Variants in IFI35 observed in about 807,000 individuals in gnomAD.
IFI35 encodes the protein interferon induced protein 35.
In IFI35, 30 loss-of-function variants were observed where a neutral mutation model predicts 28.6. That is an observed-to-expected ratio of 1.05 (90% CI 0.79 to 1.43). The LOEUF is 1.43. Among genes scored for constraint, IFI35 ranks in the 40% most tolerant of loss-of-function variants. The pLI, the probability that IFI35 is intolerant of heterozygous loss-of-function variation, is 0.00. For missense variants in IFI35, 372 were observed against 356.9 expected (o/e 1.04, Z -0.34); for synonymous variants, 146 against 154.8 (o/e 0.94, Z 0.42).
intron 5 of IFI35, 22 bp from the exon 6 acceptor site, chr17:43,013,754 C>T (rs1173491904): frequency 3.1e-6 from 5 of 1,610,998 alleles, no homozygotes; most frequent in East Asian, 4.5e-5. Flanking sequence ...GCTAAAGGCC[C>T]ACCCCTCCTT....
Position 43,006,803 on chromosome 17 carries a change from G to C in IFI35, c.-145G>C, listed in dbSNP as rs2050410985. On this transcript the variant is annotated 5_prime_UTR_variant, in exon 1 of 7. Transcript: ENST00000415816. ...TGGAAGCAAACAGCCTGCGAGCAGA[G>C]CCTCCTGAGGTGTATTTCGGGTCTT... 9.3e-6 allele frequency: 7 copies of C among 754,680 alleles called. No individual in the cohort carries two copies. The highest frequency in any genetic ancestry group is 1.6e-5 in the Non-Finnish European group (7 of 427,352). The allele number at this position is 754,680 out of a possible 1,614,324, so 46.7% of individuals were successfully genotyped here. A position where few individuals can be genotyped will look rare whatever the true frequency, so the allele number is the denominator to read the frequency against.
intron 1 of IFI35, 78 bp downstream of exon 1, chr17:43,007,046 G>C: frequency 6.7e-7 from 1 of 1,483,150 alleles, no homozygotes; most frequent in Non-Finnish European, 9.4e-7. Context: ...ATATCTCAGG[G>C]CCTGGCAGCC....
chr17:43,013,032 C>T lies in IFI35; in HGVS notation c.121-15C>T. On this transcript the variant is annotated splice_polypyrimidine_tract_variant and intron_variant, in intron 2 of 6. Coordinates refer to ENST00000415816, the MANE Select transcript of IFI35 (RefSeq NM_001330230.2). ...GGGAGTGAGGAACACTCCTACTCCCCTCCCCTACTTCCAGGTCCCATTTTC... is the reference window on the plus strand; with the variant it reads ...GGGAGTGAGGAACACTCCTACTCCCTTCCCCTACTTCCAGGTCCCATTTTC... 6.2e-7 allele frequency: 1 copy of T among 1,612,982 alleles called. No individual in the cohort carries two copies. The highest frequency in any genetic ancestry group is 8.5e-7 in the Non-Finnish European group (1 of 1,179,346).
intron 2 of IFI35, 55 bp downstream of exon 2, chr17:43,012,332 C>T (rs1011627408): frequency 1.4e-5 from 19 of 1,319,824 alleles, no homozygotes; most frequent in African/African-American, 2.9e-5. Context: ...AGGCCGGGTG[C>T]GGTGGCTCAC....
At position 43,007,850 on chromosome 17, in the gene IFI35, TATATATA is replaced by T. The variant is rs2050422535; in HGVS notation, c.21+883_21+889del. On this transcript the variant is annotated intron_variant, in intron 1 of 6. Coordinates refer to ENST00000415816, the MANE Select transcript of IFI35 (RefSeq NM_001330230.2). The stretch of plus-strand genomic sequence containing the variant: ...CACACACACACACACACAAAATTTA[TATATATA>T]TATATATATATATATACTATAAGAA... Among the ~76,000 whole-genome samples, 7 of 35,958 alleles carry T rather than the reference TATATATA, an allele frequency of 1.9e-4. 1 individual carries two copies. In the South Asian group the frequency reaches 8.9e-3, roughly 46 times the overall value. The allele number at this position is 35,958 out of a possible 152,430, so 23.6% of individuals were successfully genotyped here.
chr17:43,013,008 G>A, intron 2 of IFI35, 39 bp from the exon 3 acceptor site: 2 of 1,596,358 alleles, frequency 1.3e-6, no homozygotes, highest in Non-Finnish European at 1.7e-6. Flanking sequence ...CTCCTAGGTG[G>A]GAGTGAGGAA....
intron 1 of IFI35, 76 bp downstream of exon 1, chr17:43,007,044 G>A (rs1324922834): frequency 2.7e-6 from 4 of 1,483,874 alleles, no homozygotes; most frequent in Non-Finnish European, 2.8e-6. Context: ...AGATATCTCA[G>A]GGCCTGGCAG....
chr17:43,014,049 ACCCCCAG>A, intron 6 of IFI35, 52 bp from the exon 7 acceptor site: 1 of 1,544,368 alleles, frequency 6.5e-7, no homozygotes, highest in Non-Finnish European at 8.9e-7. Flanking sequence ...TGCCTGCCCT[ACCCCCAG>A]CCCCCAGCCC....
rs977663402 is a variant in IFI35 at position 43,012,898 on chromosome 17, C to T, written c.121-149C>T. ...TTGTATGTAAATTGCCCTGTATGGA[C>T]CAGACCTGCATTCATCCACTCATTT... On this transcript the variant is annotated intron_variant, in intron 2 of 6. Transcript: ENST00000415816. 4.7e-6 allele frequency: 4 copies of T among 855,994 alleles called. No individual in the cohort carries two copies. The African/African-American group carries it at 6.8e-5, about 15-fold the overall frequency. The allele number at this position is 855,994 out of a possible 1,614,324, so 53.0% of individuals were successfully genotyped here.
intron 1 of IFI35, among the ~76,000 whole-genome samples, chr17:43,009,664 A>T (rs1024980400): frequency 1.1e-4 from 17 of 152,058 alleles, no homozygotes; most frequent in Admixed American, 2.6e-4. Context: ...GAGGCAGGAG[A>T]ATCGCTTGAA....
In IFI35 at chr17:43,013,047, G is replaced by C. The variant is rs2050476141; in HGVS notation, c.121G>C (p.Val41Leu). ...TCCTACTCCCCTCCCCTACTTCCAG[G>C]TCCCATTTTCAGTGCCCAAGATCCC... ...KELGDSPKDKVPFSVPKIPLV... is the reference protein window; with the variant it reads ...KELGDSPKDKLPFSVPKIPLV... The change falls in exon 3 of 7, where the codon GTC becomes CTC. Residue 41 changes from valine (V) to leucine (L), a missense_variant and splice_region_variant. Transcript: ENST00000415816. 2 of 1,613,616 alleles carry C rather than the reference G, an allele frequency of 1.2e-6. No homozygotes were observed. Among genetic ancestry groups the C allele is most frequent in the Non-Finnish European group, 1.7e-6 (2 of 1,179,884 alleles).
In IFI35 at chr17:43,013,472, CT is replaced by C. The variant is rs1477842899; in HGVS notation, c.376-3del. On this transcript the variant is annotated splice_polypyrimidine_tract_variant and splice_region_variant and intron_variant, in intron 4 of 6. Coordinates refer to ENST00000415816, the MANE Select transcript of IFI35 (RefSeq NM_001330230.2). ...TGGGACCACCCCTTGCTGTCTCCCC[CT>C]AGATGTCCAGCCAGTTGAGTGGCCG... 1 of 1,613,792 alleles carries C rather than the reference CT, an allele frequency of 6.2e-7. No homozygotes were observed.
At chr17:43,010,189 C>G (rs1405029932) in intron 1 of IFI35, among the ~76,000 whole-genome samples, 1 of 149,234 alleles carries the variant, frequency 6.7e-6, no homozygotes, top group Non-Finnish European at 1.5e-5. Context: ...GAGCAGAGAT[C>G]GCGCCACTGC....
Position 43,006,930 on chromosome 17 carries a change from C to T in IFI35, c.-18C>T. The T allele has an allele frequency of 6.2e-7, 1 of 1,614,058 alleles. No individual in the cohort carries two copies. Among genetic ancestry groups the T allele is most frequent in the Non-Finnish European group, 8.5e-7 (1 of 1,179,924 alleles). ...CCAGCTCTGAAGCCTCAGCTCTTGCCAAACAGACCCGAGACCCATGTCAGC... is the reference window on the plus strand; with the variant it reads ...CCAGCTCTGAAGCCTCAGCTCTTGCTAAACAGACCCGAGACCCATGTCAGC... On this transcript the variant is annotated 5_prime_UTR_variant, in exon 1 of 7. Transcript: ENST00000415816.
chr17:43,014,328 C>T lies in IFI35; in HGVS notation c.*29C>T. ...CCTCCCCTTCTCATCCTCCCCACCCCCCCGCCAAGGTTCTCACACTGGCCT... is the reference window on the plus strand; with the variant it reads ...CCTCCCCTTCTCATCCTCCCCACCCTCCCGCCAAGGTTCTCACACTGGCCT... On this transcript the variant is annotated 3_prime_UTR_variant, in exon 7 of 7. Coordinates refer to ENST00000415816, the MANE Select transcript of IFI35 (RefSeq NM_001330230.2). 6.7e-7 allele frequency: 1 copy of T among 1,488,268 alleles called. No individual in the cohort carries two copies. Among genetic ancestry groups the T allele is most frequent in the South Asian group, 1.4e-5 (1 of 74,012 alleles). The allele number at this position is 1,488,268 out of a possible 1,614,324, so 92.2% of individuals were successfully genotyped here.
chr17:43,011,543 TA>T (rs1254374637), intron 1 of IFI35, among the ~76,000 whole-genome samples: 1 of 151,736 alleles, frequency 6.6e-6, no homozygotes, highest in African/African-American at 2.4e-5. Context: ...AAATAAAAAT[TA>T]AAAAAATAAA....
chr17:43,010,110 C>T (rs2050444510), intron 1 of IFI35, among the ~76,000 whole-genome samples: 1 of 151,916 alleles, frequency 6.6e-6, no homozygotes, highest in Non-Finnish European at 1.5e-5. Context: ...GTGGCGGGCA[C>T]CTGTAGTCCC....
intron 1 of IFI35, among the ~76,000 whole-genome samples, 180 bp downstream of exon 1, chr17:43,007,148 T>C (rs1057059943): frequency 6.6e-6 from 1 of 152,216 alleles, no homozygotes; most frequent in Non-Finnish European, 1.5e-5. Flanking sequence ...CCCTAACCTA[T>C]TGCCTCAGAC....
intron 1 of IFI35, among the ~76,000 whole-genome samples, chr17:43,009,435 A>G (rs974215876): frequency 1.8e-4 from 27 of 152,102 alleles, no homozygotes; most frequent in Admixed American, 1.0e-3. Flanking sequence ...CCTGGCCAAC[A>G]TGGTGAAACC....
Sources: allele counts gnomAD v4.1 joint callset (sites outside exome capture counted in the v4.1 genomes callset), GRCh38; gene constraint gnomAD v4.1.1; transcripts MANE v1.5; gene names NCBI Gene and HGNC (gene_info 2026-07-23, HGNC 2026-07-21).